The following ATG4B variants were observed in gnomAD, a reference collection of about 807,000 sequenced individuals.
The protein encoded by ATG4B is autophagy related 4B cysteine peptidase, also known as cysteine protease ATG4B.
Under a neutral mutation model 56.6 loss-of-function variants are expected in ATG4B, and 29 were observed. That is an observed-to-expected ratio of 0.51 (90% confidence interval 0.38 to 0.70). The LOEUF (loss-of-function observed/expected upper bound fraction) is 0.70, where lower values mean the gene tolerates loss of function less well. Among genes scored for constraint, ATG4B ranks in the 30% least tolerant of loss-of-function variants. The probability of loss-of-function intolerance (pLI) is 0.00; values close to 1 mark genes in which losing one functional copy is unlikely to be tolerated. For synonymous variants in ATG4B, 224 were observed against 206.1 expected, an observed-to-expected ratio of 1.09 and a Z score of -0.74; for missense variants, 461 against 515.5, an observed-to-expected ratio of 0.89 and a Z score of 1.02.
rs2125136413 is a variant in ATG4B at position 241,661,662 on chromosome 2, T to C, written c.538+2475T>C. Among the ~76,000 whole-genome samples, 2 of 152,300 alleles carry C rather than the reference T, an allele frequency of 1.3e-5. 1 individual carries two copies. Among genetic ancestry groups the C allele is most frequent in the Middle Eastern group, 6.8e-3 (2 of 294 alleles). On this transcript the variant is annotated intron_variant, in intron 7 of 12. Transcript: ENST00000404914. ...AAGCTTCTTCCTGCAGCGAAAGAGC[T>C]GCCTGACGGTGTTCCCACTCAGATT...
At chr2:241,648,817 GC>G (rs2068142081) in intron 1 of ATG4B, among the ~76,000 whole-genome samples, 1 of 152,168 alleles carries the variant, frequency 6.6e-6, no homozygotes, top group Admixed American at 6.5e-5. Context: ...TGGTAGTTCT[GC>G]CTGCACCGAG....
At chr2:241,654,341 A>G (rs972231705) in intron 4 of ATG4B, among the ~76,000 whole-genome samples, 1 of 150,170 alleles carries the variant, frequency 6.7e-6, no homozygotes, top group African/African-American at 2.5e-5. Flanking sequence ...GAATCGCTTG[A>G]ACCCGGGAGG....
At chr2:241,658,777 A>G (rs567438954) in intron 6 of ATG4B, among the ~76,000 whole-genome samples, 3 of 152,374 alleles carry the variant, frequency 2.0e-5, no homozygotes, top group East Asian at 3.9e-4. Flanking sequence ...CAAAACCCAC[A>G]GCGTCTCAGA....
At position 241,651,174 on chromosome 2, in the gene ATG4B, C is replaced by A. The variant is rs552238734; in HGVS notation, c.112+63C>A. On this transcript the variant is annotated intron_variant, in intron 2 of 12. Coordinates refer to ENST00000404914, the MANE Select transcript of ATG4B (RefSeq NM_013325.5). This position sits in a 1 kb window ranked among gnomAD's most constrained non-coding sequence, Gnocchi z 4.1. ...TTGGCCTGCAGAAGCATTTTGTGAT[C>A]ACTGTTCTCTGCTAACTCTGCCATA... The A allele has an allele frequency of 6.4e-7, 1 of 1,559,742 alleles. No individual in the cohort carries two copies. The highest frequency in any genetic ancestry group is 8.7e-7 in the Non-Finnish European group (1 of 1,143,292).
chr2:241,651,192 C>G lies in ATG4B; in HGVS notation c.113-72C>G. The G allele has an allele frequency of 6.4e-7, 1 of 1,556,014 alleles. No homozygotes were observed. The highest frequency in any genetic ancestry group is 1.7e-4 in the Middle Eastern group (1 of 5,968). On this transcript the variant is annotated intron_variant, in intron 2 of 12. Coordinates refer to ENST00000404914, the MANE Select transcript of ATG4B (RefSeq NM_013325.5). This position sits in a 1 kb window ranked among gnomAD's most constrained non-coding sequence, Gnocchi z 4.1. ...TTGTGATCACTGTTCTCTGCTAACT[C>G]TGCCATAACTTGTGACTTGCAAACT...
Position 241,668,753 on chromosome 2 carries a change from CT to C in ATG4B, c.957+71del. The C allele has an allele frequency of 6.6e-7, 1 of 1,507,396 alleles. No individual in the cohort carries two copies. Among genetic ancestry groups the C allele is most frequent in the Non-Finnish European group, 8.8e-7 (1 of 1,136,894 alleles). The allele number at this position is 1,507,396 out of a possible 1,614,324, so 93.4% of individuals were successfully genotyped here. The stretch of plus-strand genomic sequence containing the variant: ...TGCTGTTTGGGAATGACGAGGAAAA[CT>C]TTCGGATTTTTGCGTTTTTTTTTTC... On this transcript the variant is annotated intron_variant, in intron 10 of 12. Transcript: ENST00000404914. The surrounding 1 kb of genome is among the most constrained non-coding windows in gnomAD (Gnocchi z 4.2).
intron 1 of ATG4B, among the ~76,000 whole-genome samples, chr2:241,647,716 A>G (rs1037459444): frequency 6.6e-6 from 1 of 151,948 alleles, no homozygotes; most frequent in Non-Finnish European, 1.5e-5. Flanking sequence ...TAGTCTATAT[A>G]TTGAATAAAG....
chr2:241,640,017 C>G (rs2067836997), intron 1 of ATG4B, among the ~76,000 whole-genome samples: 1 of 152,176 alleles, frequency 6.6e-6, no homozygotes, highest in African/African-American at 2.4e-5. Context: ...ATTTGTCTGC[C>G]TCCTGCCTCT....
intron 7 of ATG4B, among the ~76,000 whole-genome samples, chr2:241,663,017 C>G (rs1300300993): frequency 6.6e-6 from 1 of 152,166 alleles, no homozygotes; most frequent in African/African-American, 2.4e-5. Context: ...GGGTAGATCA[C>G]ATGAGGTCAG....
At chr2:241,658,552 T>A (rs2068488689) in intron 6 of ATG4B, among the ~76,000 whole-genome samples, 1 of 152,008 alleles carries the variant, frequency 6.6e-6, no homozygotes, top group Non-Finnish European at 1.5e-5. Flanking sequence ...GAGATCAGAG[T>A]CGTGTTAGAC....
intron 1 of ATG4B, among the ~76,000 whole-genome samples, chr2:241,647,911 C>T (rs924755572): frequency 2.6e-5 from 4 of 151,484 alleles, no homozygotes; most frequent in South Asian, 4.2e-4. Flanking sequence ...GTCAGGAGAT[C>T]GAGACCAGCC....
intron 6 of ATG4B, among the ~76,000 whole-genome samples, chr2:241,656,323 C>G (rs2068403829): frequency 6.6e-6 from 1 of 152,166 alleles, no homozygotes; most frequent in African/African-American, 2.4e-5. Flanking sequence ...CACCCCCGTC[C>G]CACATCCCCA....
intron 1 of ATG4B, among the ~76,000 whole-genome samples, chr2:241,647,783 G>T (rs1049781468): frequency 6.6e-6 from 1 of 152,136 alleles, no homozygotes; most frequent in Admixed American, 6.6e-5. Context: ...CTTTAGAGAG[G>T]TAGCAGGGAC....
Position 241,673,040 on chromosome 2 carries a change from CG to C in ATG4B, c.*786del, listed in dbSNP as rs34851004. 0.15 allele frequency: 24,533 copies of C among 160,844 alleles called. 1,944 individuals carry two copies. The highest frequency in any genetic ancestry group is 0.19 in the African/African-American group (7,852 of 41,684). 10.0% of individuals were successfully genotyped at this position (160,844 alleles called of 1,614,324 possible). A position where few individuals can be genotyped will look rare whatever the true frequency, so the allele number is the denominator to read the frequency against. On this transcript the variant is annotated 3_prime_UTR_variant, in exon 13 of 13. Transcript: ENST00000404914. ...GTGGCAGCTTCCCCAGGTGTGGTGA[CG>C]GGGGGGGGGCGGGGCCTCCACCTGT... is the stretch of plus-strand genomic sequence containing the variant.
intron 1 of ATG4B, 175 bp downstream of exon 1, chr2:241,637,899 TGGG>T: frequency 6.8e-6 from 1 of 146,442 alleles, no homozygotes; most frequent in Non-Finnish European, 1.5e-5. Context: ...TGGTGGGCGG[TGGG>T]AGCGGGAGGG....
chr2:241,667,193 T>G (rs2068805574), intron 8 of ATG4B, among the ~76,000 whole-genome samples: 1 of 152,034 alleles, frequency 6.6e-6, no homozygotes, highest in Non-Finnish European at 1.5e-5. Flanking sequence ...CCCACAGCCC[T>G]CTTGGCCTGA....
At chr2:241,658,803 T>A (rs374529465) in intron 6 of ATG4B, among the ~76,000 whole-genome samples, 8 of 152,376 alleles carry the variant, frequency 5.3e-5, no homozygotes, top group African/African-American at 1.9e-4. Context: ...GTTCATGTTC[T>A]AGTTCCTGCC....
chr2:241,672,820 G>T lies in ATG4B; in HGVS notation c.*556G>T, dbSNP rs2069027589. 6.2e-6 allele frequency: 1 copy of T among 161,860 alleles called. No individual in the cohort carries two copies. Among genetic ancestry groups the T allele is most frequent in the Non-Finnish European group, 1.4e-5 (1 of 73,180 alleles). The allele number at this position is 161,860 out of a possible 1,614,324, so 10.0% of individuals were successfully genotyped here. A position where few individuals can be genotyped will look rare whatever the true frequency, so the allele number is the denominator to read the frequency against. On this transcript the variant is annotated 3_prime_UTR_variant, in exon 13 of 13. Transcript: ENST00000404914. ...ACCAAGGGCTACCTCAGTGGGAGATGAGGTTGGAGGAACGAAGGCGAGGTT... is the reference window on the plus strand; with the variant it reads ...ACCAAGGGCTACCTCAGTGGGAGATTAGGTTGGAGGAACGAAGGCGAGGTT...
chr2:241,637,910 G>T, intron 1 of ATG4B, 186 bp downstream of exon 1: 1 of 472,896 alleles, frequency 2.1e-6, no homozygotes. Context: ...GGGAGCGGGA[G>T]GGGGACGGCG....
Sources: gnomAD v4.1 joint callset for allele counts (sites outside exome capture counted in the v4.1 genomes callset) on GRCh38, gnomAD v4.1.1 for gene constraint, Gnocchi (gnomAD v3.1) non-coding constraint, MANE v1.5 for transcripts, NCBI Gene and HGNC (gene_info 2026-07-23, HGNC 2026-07-21) for gene names.